TOP1MT: variants seen among roughly 807,000 people sequenced by gnomAD.
TOP1MT encodes the protein DNA topoisomerase I mitochondrial, also known as DNA topoisomerase I, mitochondrial.
In TOP1MT, 80 loss-of-function variants were observed where a neutral mutation model predicts 73.9. The ratio of observed to expected loss-of-function variants is 1.08; its 90% confidence interval spans 0.90 to 1.30. The LOEUF (loss-of-function observed/expected upper bound fraction) is 1.30, where lower values mean the gene tolerates loss of function less well. Among genes scored for constraint, TOP1MT ranks in the 50% most tolerant of loss-of-function variants. The pLI is 0.00. For synonymous variants in TOP1MT, 338 were observed against 326.4 expected, an observed-to-expected ratio of 1.04 and a Z score of -0.38; for missense variants, 815 against 808.0, an observed-to-expected ratio of 1.01 and a Z score of -0.10.
upstream of TOP1MT, among the ~76,000 whole-genome samples, chr8:143,348,716 T>C (rs1189118243): frequency 6.6e-6 from 1 of 152,034 alleles, no homozygotes; most frequent in Admixed American, 6.5e-5. This position sits in a 1 kb window ranked among gnomAD's most constrained non-coding sequence, Gnocchi z 4.6. Context: ...TTCAGGTGCC[T>C]CTGCAGGCTG....
chr8:143,358,384 G>A (rs748963271), upstream of TOP1MT, among the ~76,000 whole-genome samples: 2 of 152,144 alleles, frequency 1.3e-5, no homozygotes, highest in Non-Finnish European at 2.9e-5. Context: ...TTCCTCCCCT[G>A]TTCTGATCCT....
intron 1 of TOP1MT, chr8:143,332,417 G>A: frequency 3.5e-6 from 4 of 1,157,240 alleles, no homozygotes; most frequent in Non-Finnish European, 4.6e-6. Flanking sequence ...ATGGGGGAGA[G>A]TGAGATGGGC....
At position 143,324,525 on chromosome 8, in the gene TOP1MT, G is replaced by C; in HGVS notation, c.776C>G (p.Ser259Cys). ...LAAWTESVQNSIKYIMLNPCS... is the reference protein window; with the variant it reads ...LAAWTESVQNCIKYIMLNPCS... ...AGGGTTCAGCATGATGTACTTGATG[G>C]AGTTCTGAACGCTCTCGGTCCAAGC... The change falls in exon 6 of 14, where the codon TCC (serine) becomes TGC (cysteine). Residue 259 changes from serine (S) to cysteine (C), a missense_variant. Around this residue, in one of 3 missense-constraint regions of TOP1MT, gnomAD observed 751 missense variants for 725.4 expected, o/e 1.04. Coordinates refer to ENST00000329245, the MANE Select transcript of TOP1MT (RefSeq NM_052963.3). 1 of 1,613,982 alleles carries C rather than the reference G, an allele frequency of 6.2e-7. No homozygotes were observed. The highest frequency in any genetic ancestry group is 8.5e-7 in the Non-Finnish European group (1 of 1,180,026).
Position 143,325,438 on chromosome 8 carries a change from C to A in TOP1MT, c.579G>T (p.Pro193=). 1 of 1,613,586 alleles carries A rather than the reference C, an allele frequency of 6.2e-7. No individual in the cohort carries two copies. Among genetic ancestry groups the A allele is most frequent in the East Asian group, 2.2e-5 (1 of 44,864 alleles). Residue 193 remains proline, a synonymous_variant, in exon 5 of 14, where the codon CCG becomes CCT. Transcript: ENST00000329245. ...QEKIGNFKIE[P]PGLFRGRGDH... is the part of the protein sequence containing the mutation. Reference sequence around the variant, plus strand: ...CGCCACGGCCACGGAACAAGCCAGGCGGCTCAATCTTGAAGTTGCCTATTT... The same window carrying A: ...CGCCACGGCCACGGAACAAGCCAGGAGGCTCAATCTTGAAGTTGCCTATTT...
In TOP1MT at chr8:143,342,075, GTTATTA is replaced by G. The variant is rs540333405; in HGVS notation, c.29+1139_29+1144del. Among the ~76,000 whole-genome samples, 6 of 120,672 alleles carry G rather than the reference GTTATTA, an allele frequency of 5.0e-5. No individual in the cohort carries two copies. In the South Asian group the frequency reaches 9.3e-4, roughly 19 times the overall value. 79.2% of individuals were successfully genotyped at this position (120,672 alleles called of 152,430 possible). A position where few individuals can be genotyped will look rare whatever the true frequency, so the allele number is the denominator to read the frequency against. The stretch of plus-strand genomic sequence containing the variant: ...ATTATTAGAGACAGAGTCTCGCTCT[GTTATTA>G]TTATTATTAGAGTCTCGCTCTGTTA... On this transcript the variant is annotated intron_variant, in intron 2 of 5. Transcript: ENST00000518007.
intron 13 of TOP1MT, 85 bp from the exon 14 acceptor site, chr8:143,309,628 C>A: frequency 6.3e-7 from 1 of 1,583,252 alleles, no homozygotes; most frequent in South Asian, 1.1e-5. Flanking sequence ...GGGCGAGCGT[C>A]CTCCATGCAG....
chr8:143,355,644 G>A (rs537851338), intron 1 of TOP1MT, among the ~76,000 whole-genome samples: 21 of 152,272 alleles, frequency 1.4e-4, no homozygotes, highest in African/African-American at 4.8e-4. Context: ...AAAACAAACA[G>A]AAAGGGCCCC....
In TOP1MT at chr8:143,324,542, G is replaced by T; in HGVS notation, c.759C>A (p.Thr253=). ...ACTTGATGGAGTTCTGAACGCTCTC[G>T]GTCCAAGCTGCCAGCCACGTGACGG... is the stretch of plus-strand genomic sequence containing the variant. ...DNTVTWLAAW[T]ESVQNSIKYI... is the part of the protein sequence containing the mutation. Residue 253 remains threonine (T), a synonymous_variant, in exon 6 of 14, where the codon ACC becomes ACA. Coordinates refer to ENST00000329245, the MANE Select transcript of TOP1MT (RefSeq NM_052963.3). 6.2e-7 allele frequency: 1 copy of T among 1,613,894 alleles called. No homozygotes were observed. Among genetic ancestry groups the T allele is most frequent in the East Asian group, 2.2e-5 (1 of 44,892 alleles).
chr8:143,317,619 C>A (rs1816204175), intron 10 of TOP1MT, 104 bp downstream of exon 10: 2 of 968,348 alleles, frequency 2.1e-6, no homozygotes, highest in Non-Finnish European at 3.1e-6. Context: ...CCCAAAGAAG[C>A]GGCCCCACCC....
At chr8:143,310,251 G>A (rs561129464) in intron 12 of TOP1MT, 34 bp from the exon 13 acceptor site, 67 of 1,459,042 alleles carry the variant, frequency 4.6e-5, no homozygotes, top group South Asian at 2.8e-4. Flanking sequence ...GAGGCCCCGC[G>A]CTGGACTAGC....
At chr8:143,348,496 G>A (rs905985275), upstream of TOP1MT, among the ~76,000 whole-genome samples, 1 of 150,818 alleles carries the variant, frequency 6.6e-6, no homozygotes, top group Non-Finnish European at 1.5e-5. The surrounding 1 kb of genome is among the most constrained non-coding windows in gnomAD (Gnocchi z 4.6). Flanking sequence ...TGTGTAGCCT[G>A]TTAATCCTGC....
At chr8:143,343,467 C>G (rs1344789068) in intron 1 of TOP1MT, 1 of 348,696 alleles carries the variant, frequency 2.9e-6, no homozygotes, top group Middle Eastern at 4.7e-4. Context: ...CATCAAGGAA[C>G]CTCTGACTCT....
chr8:143,320,168 A>T (rs62524728), intron 8 of TOP1MT, among the ~76,000 whole-genome samples: 1 of 151,864 alleles, frequency 6.6e-6, no homozygotes, highest in Non-Finnish European at 1.5e-5. Context: ...TCATTTTGTC[A>T]CCCAGGCAGG....
chr8:143,331,458 T>A, intron 1 of TOP1MT, 119 bp from the exon 2 acceptor site: 1 of 748,698 alleles, frequency 1.3e-6, no homozygotes, highest in Non-Finnish European at 2.1e-6. Flanking sequence ...GGCCTCCACC[T>A]CACGGGGGAG....
At chr8:143,337,303 G>A (rs1816999233), upstream of TOP1MT, among the ~76,000 whole-genome samples, 1 of 152,154 alleles carries the variant, frequency 6.6e-6, no homozygotes, top group Admixed American at 6.5e-5. Flanking sequence ...TATTTGGGAG[G>A]CTGAGGCAGG....
In TOP1MT at chr8:143,326,242, G is replaced by C. The variant is rs2130243351; in HGVS notation, c.463C>G (p.Leu155Val). 1 of 1,613,918 alleles carries C rather than the reference G, an allele frequency of 6.2e-7. No homozygotes were observed. Among genetic ancestry groups the C allele is most frequent in the East Asian group, 2.2e-5 (1 of 44,874 alleles). Residue 155 changes from leucine (L) to valine (V), a missense_variant, in exon 4 of 14, where the codon CTG becomes GTG. Physicochemically the swap from Leu to Val is conservative, Grantham distance 32. Transcript: ENST00000329245. ...CCAACCTGCTTCTCCTCCCTGCTCA[G>C]GACTTTCCGGGCTGCGGCCTTGTCC... ...FVDKAAARKVLSREEKQKLKE... is the reference protein window; with the variant it reads ...FVDKAAARKVVSREEKQKLKE...
chr8:143,339,750 C>T (rs1455747878), upstream of TOP1MT, among the ~76,000 whole-genome samples: 2 of 150,926 alleles, frequency 1.3e-5, no homozygotes, highest in African/African-American at 4.9e-5. Context: ...GGGAAGTGGG[C>T]CTGTGCTGGT....
intron 2 of TOP1MT, among the ~76,000 whole-genome samples, chr8:143,330,958 G>A (rs117790855): frequency 0.074 from 11,192 of 151,556 alleles, 536 homozygotes; most frequent in South Asian, 0.17. Context: ...GGGGGGGTCC[G>A]CTTTGCCCAG....
At chr8:143,313,949 G>A (rs746003609) in intron 12 of TOP1MT, among the ~76,000 whole-genome samples, 34 of 151,954 alleles carry the variant, frequency 2.2e-4, no homozygotes, top group Non-Finnish European at 4.6e-4. Context: ...ACAACAACCC[G>A]ACTGGAAAAT....
Sources: gnomAD v4.1 joint callset for allele counts (sites outside exome capture counted in the v4.1 genomes callset) on GRCh38, gnomAD v4.1.1 for gene constraint, gnomAD v4.1.1 regional missense constraint, Gnocchi (gnomAD v3.1) non-coding constraint, MANE v1.5 for transcripts, NCBI Gene and HGNC (gene_info 2026-07-23, HGNC 2026-07-21) for gene names.